The following SYT9 variants were observed in gnomAD, a reference collection of about 807,000 sequenced individuals.
SYT9 encodes synaptotagmin 9.
Under a neutral mutation model 48.4 loss-of-function variants are expected in SYT9, and 22 were observed. The ratio of observed to expected loss-of-function variants is 0.45; its 90% CI spans 0.32 to 0.65. The LOEUF is 0.65. Among genes scored for constraint, SYT9 ranks in the 30% least tolerant of loss-of-function variants. The pLI, the probability that SYT9 is intolerant of heterozygous loss-of-function variation, is 0.03. For synonymous variants in SYT9, 265 were observed against 245.0 expected (o/e 1.08, Z -0.76); for missense variants, 577 against 622.0 (o/e 0.93, Z 0.77).
Position 7,311,150 on chromosome 11 carries a change from A to T in SYT9, c.498-2245A>T, listed in dbSNP as rs1011420739. Among the ~76,000 whole-genome samples the T allele has an allele frequency of 5.0e-4, 76 of 152,148 alleles. 1 individual carries two copies. The highest frequency in any genetic ancestry group is 9.7e-4 in the Non-Finnish European group (66 of 68,026). On this transcript the variant is annotated intron_variant, in intron 2 of 6. Coordinates refer to ENST00000318881, the MANE Select transcript of SYT9 (RefSeq NM_175733.4). ...AAACCCTGTCTCTACTAAAAATACA[A>T]AATTAGCCAGGTGTGGTGGCGCATG...
chr11:7,353,161 C>T (rs1047791326), intron 3 of SYT9, among the ~76,000 whole-genome samples: 1 of 152,058 alleles, frequency 6.6e-6, no homozygotes, highest in Non-Finnish European at 1.5e-5. Flanking sequence ...TTCCTTTTAC[C>T]ACCCAGAACA....
chr11:7,367,798 T>C (rs1850281102), intron 3 of SYT9, among the ~76,000 whole-genome samples: 1 of 152,154 alleles, frequency 6.6e-6, no homozygotes, highest in African/African-American at 2.4e-5. Flanking sequence ...CTTAGAATGC[T>C]CCTCCAACCC....
chr11:7,341,532 C>T (rs1303134894), intron 3 of SYT9, among the ~76,000 whole-genome samples: 1 of 152,178 alleles, frequency 6.6e-6, no homozygotes, highest in African/African-American at 2.4e-5. Flanking sequence ...TTTTGCTCCT[C>T]TTTCACCTTC....
chr11:7,316,006 C>G (rs1849236670), intron 3 of SYT9, among the ~76,000 whole-genome samples: 1 of 151,814 alleles, frequency 6.6e-6, no homozygotes, highest in Non-Finnish European at 1.5e-5. Flanking sequence ...GAATTACAGG[C>G]TATTTCATAG....
intron 2 of SYT9, among the ~76,000 whole-genome samples, chr11:7,312,127 G>A (rs749636545): frequency 1.3e-4 from 20 of 152,094 alleles, no homozygotes; most frequent in Non-Finnish European, 2.5e-4. Flanking sequence ...GCTCTGTGAC[G>A]GTACTCTTGT....
intron 3 of SYT9, among the ~76,000 whole-genome samples, chr11:7,317,662 C>T (rs1285321980): frequency 6.6e-6 from 1 of 152,274 alleles, no homozygotes; most frequent in Admixed American, 6.5e-5. Context: ...GGGACAAAAA[C>T]ATTCAGTCCA....
At chr11:7,296,873 T>C (rs1449938980) in intron 1 of SYT9, among the ~76,000 whole-genome samples, 1 of 152,188 alleles carries the variant, frequency 6.6e-6, no homozygotes, top group Non-Finnish European at 1.5e-5. Context: ...ATCAGAGCTG[T>C]CTGGTCCCAC....
chr11:7,429,370 C>G (rs139708015), intron 6 of SYT9, among the ~76,000 whole-genome samples: 1 of 152,060 alleles, frequency 6.6e-6, no homozygotes, highest in Admixed American at 6.6e-5. Context: ...CACTATATAC[C>G]CTGGGAGCAG....
rs75930958 is a variant in SYT9 at position 7,265,877 on chromosome 11, A to G, written c.145+13546A>G. 4.2e-3 allele frequency among the ~76,000 whole-genome samples: 639 copies of G among 152,246 alleles called. 30 individuals are homozygous for G. In the East Asian group the frequency reaches 0.1, roughly 24 times the overall value. ...TCTTATTTTAGGATAACCATACGGT[A>G]CATAAACCCTGTGAAAACTCTAACT... On this transcript the variant is annotated intron_variant, in intron 1 of 6. Coordinates refer to ENST00000318881, the MANE Select transcript of SYT9 (RefSeq NM_175733.4).
At chr11:7,329,714 G>T (rs1429667842) in intron 3 of SYT9, among the ~76,000 whole-genome samples, 1 of 152,232 alleles carries the variant, frequency 6.6e-6, no homozygotes, top group African/African-American at 2.4e-5. Context: ...CAGCCTGTAT[G>T]CTGGAAAGTG....
intron 3 of SYT9, among the ~76,000 whole-genome samples, chr11:7,363,779 G>C (rs1442130958): frequency 6.6e-6 from 1 of 152,190 alleles, no homozygotes; most frequent in African/African-American, 2.4e-5. Flanking sequence ...ATTTATAACA[G>C]ATACCACTGA....
At chr11:7,396,747 A>T (rs1846761368) in intron 3 of SYT9, among the ~76,000 whole-genome samples, 1 of 152,156 alleles carries the variant, frequency 6.6e-6, no homozygotes, top group Non-Finnish European at 1.5e-5. Flanking sequence ...TCACTCTTTC[A>T]TTTTAGTTAG....
chr11:7,354,899 C>T (rs1312529169), intron 3 of SYT9, among the ~76,000 whole-genome samples: 2 of 152,004 alleles, frequency 1.3e-5, no homozygotes, highest in Non-Finnish European at 2.9e-5. Flanking sequence ...CCCAGGCTAC[C>T]CCTCCACAGA....
intron 3 of SYT9, among the ~76,000 whole-genome samples, chr11:7,320,892 G>A (rs1849325597): frequency 6.6e-6 from 1 of 152,148 alleles, no homozygotes; most frequent in Admixed American, 6.6e-5. Flanking sequence ...AGCATCAAGG[G>A]GGAAGGTCAA....
intron 3 of SYT9, among the ~76,000 whole-genome samples, chr11:7,321,659 A>G (rs554536125): frequency 3.3e-4 from 50 of 152,294 alleles, no homozygotes; most frequent in Middle Eastern, 3.4e-3. Context: ...CATGCAGAGC[A>G]GGGGTAACTC....
intron 3 of SYT9, among the ~76,000 whole-genome samples, chr11:7,398,900 C>T (rs149209898): frequency 2.6e-4 from 40 of 152,256 alleles, no homozygotes; most frequent in African/African-American, 9.6e-4. Context: ...TCCATGGACA[C>T]TCATGCAATT....
intron 6 of SYT9, among the ~76,000 whole-genome samples, chr11:7,420,839 G>A (rs1847341211): frequency 6.6e-6 from 1 of 152,146 alleles, no homozygotes; most frequent in Non-Finnish European, 1.5e-5. Context: ...TTTGAGTATT[G>A]ATCAGAGATC....
intron 3 of SYT9, among the ~76,000 whole-genome samples, chr11:7,360,100 A>C (rs1041521239): frequency 1.4e-4 from 22 of 152,036 alleles, no homozygotes; most frequent in Non-Finnish European, 2.9e-4. Context: ...ACCATTTATT[A>C]AATAGGGAAT....
At chr11:7,401,683 T>C (rs1846895511) in intron 3 of SYT9, among the ~76,000 whole-genome samples, 1 of 151,858 alleles carries the variant, frequency 6.6e-6, no homozygotes, top group Non-Finnish European at 1.5e-5. Context: ...AAATTATTCA[T>C]AAAATTTCCT....
Sources: gnomAD v4.1 joint callset for allele counts (sites outside exome capture counted in the v4.1 genomes callset) on GRCh38, gnomAD v4.1.1 for gene constraint, MANE v1.5 for transcripts, NCBI Gene and HGNC (gene_info 2026-07-23, HGNC 2026-07-21) for gene names.